Variants in ADAMTS6 observed in about 807,000 individuals in gnomAD.
The protein encoded by ADAMTS6 is A disintegrin and metalloproteinase with thrombospondin motifs 6.
Under a neutral mutation model 144.3 loss-of-function variants are expected in ADAMTS6, and 23 were observed. The observed-to-expected ratio is 0.16, with a 90% CI of 0.11 to 0.23. ADAMTS6 has a LOEUF of 0.23. Among genes scored for constraint, ADAMTS6 ranks in the 10% least tolerant of loss-of-function variants. The pLI is 1.00. For synonymous variants in ADAMTS6, 444 were observed against 457.5 expected (o/e 0.97, Z 0.38); for missense variants, 999 against 1,379.6 (o/e 0.72, Z 4.37).
intron 4 of ADAMTS6, 26 bp downstream of exon 4, chr5:65,460,144 T>C (rs1317989421): frequency 6.2e-7 from 1 of 1,611,784 alleles, no homozygotes; most frequent in Admixed American, 1.7e-5. Flanking sequence ...TACAATACGC[T>C]TTGTAAAAGC....
chr5:65,378,428 CA>C (rs1751747233), intron 7 of ADAMTS6, among the ~76,000 whole-genome samples: 1 of 152,078 alleles, frequency 6.6e-6, no homozygotes, highest in Non-Finnish European at 1.5e-5. Context: ...CATTTGTTCT[CA>C]AAAGTCTCCG....
chr5:65,227,586 T>C (rs764903286), intron 15 of ADAMTS6, among the ~76,000 whole-genome samples: 2 of 152,176 alleles, frequency 1.3e-5, no homozygotes, highest in African/African-American at 2.4e-5. Flanking sequence ...TGGCTACATC[T>C]CAGTGAAGTT....
In ADAMTS6 at chr5:65,260,614, A is replaced by G. The variant is rs1761102798; in HGVS notation, c.1816T>C (p.Ser606Pro). 1 of 1,613,454 alleles carries G rather than the reference A, an allele frequency of 6.2e-7. No individual in the cohort carries two copies. The highest frequency in any genetic ancestry group is 1.3e-5 in the African/African-American group (1 of 74,884). Residue 606 changes from serine to proline, a missense_variant, in exon 14 of 25, where the codon TCC becomes CCC. Transcript: ENST00000381055. Reference protein sequence around the residue: ...YCLGERKRYRSCNTDPCPLGS... With the variant: ...YCLGERKRYRPCNTDPCPLGS... ...GTTTTACTTACATCTGTGTTACAGG[A>G]GCGATACCGTTTCCTTTCCCCAAGG...
At chr5:65,253,267 G>A (rs898667250) in intron 14 of ADAMTS6, among the ~76,000 whole-genome samples, 2 of 152,124 alleles carry the variant, frequency 1.3e-5, no homozygotes, top group African/African-American at 2.4e-5. Context: ...AAGATTCATG[G>A]CAATAAATAA....
intron 14 of ADAMTS6, among the ~76,000 whole-genome samples, chr5:65,257,177 T>C (rs1760755858): frequency 6.6e-6 from 1 of 151,864 alleles, no homozygotes; most frequent in African/African-American, 2.4e-5. Context: ...TATTACCCTA[T>C]ATTTTAAGTT....
chr5:65,399,443 C>T (rs1443623434), intron 7 of ADAMTS6, among the ~76,000 whole-genome samples: 1 of 152,068 alleles, frequency 6.6e-6, no homozygotes, highest in East Asian at 1.9e-4. Flanking sequence ...TTTTGTTTTC[C>T]ACTCTGCCTT....
rs564910710 is a variant in ADAMTS6, at chr5:65,176,119, G to GA, written c.2911-3112dup. 2.0e-3 allele frequency among the ~76,000 whole-genome samples: 281 copies of GA among 138,838 alleles called. 1 individual carries two copies. Among genetic ancestry groups the GA allele is most frequent in the African/African-American group, 7.5e-3 (276 of 36,602 alleles). The allele number at this position is 138,838 out of a possible 152,430, so 91.1% of individuals were successfully genotyped here. A position where few individuals can be genotyped will look rare whatever the true frequency, so the allele number is the denominator to read the frequency against. ...GGTTATCATCTTCGGAAAAAAAAGGGAAAAAAAGGGGGGGGCAGAATTTAT... is the reference window on the plus strand; with the variant it reads ...GGTTATCATCTTCGGAAAAAAAAGGGAAAAAAAAGGGGGGGGCAGAATTTAT... On this transcript the variant is annotated intron_variant, in intron 22 of 24. Transcript: ENST00000381055.
At chr5:65,210,614 A>G in intron 20 of ADAMTS6, 1 of 614,196 alleles carries the variant, frequency 1.6e-6, no homozygotes, top group South Asian at 1.7e-5. Flanking sequence ...ACCCCAAAGG[A>G]AGCTATGGAT....
intron 7 of ADAMTS6, among the ~76,000 whole-genome samples, chr5:65,371,067 T>A (rs1750849096): frequency 6.6e-6 from 1 of 152,080 alleles, no homozygotes; most frequent in African/African-American, 2.4e-5. Context: ...GAGTGTCCTG[T>A]CTGTTAGAAG....
intron 15 of ADAMTS6, among the ~76,000 whole-genome samples, chr5:65,240,106 C>T (rs1580156166): frequency 6.6e-6 from 1 of 152,230 alleles, no homozygotes; most frequent in South Asian, 2.1e-4. Flanking sequence ...ACCCAGGTGT[C>T]CATCACAGCA....
In ADAMTS6 at chr5:65,449,486, C is replaced by G. The variant is rs563455171; in HGVS notation, c.1073+1989G>C. Among the ~76,000 whole-genome samples the G allele has an allele frequency of 2.2e-4, 34 of 152,004 alleles. 1 individual carries two copies. The highest frequency in any genetic ancestry group is 1.5e-3 in the Admixed American group (23 of 15,240). ...AAAAAATCAGCTGGGCATGGTGGCA[C>G]GCACCTGTAATCCCAGCTACTCATG... is the stretch of plus-strand genomic sequence containing the variant. On this transcript the variant is annotated intron_variant, in intron 7 of 24. Coordinates refer to ENST00000381055, the MANE Select transcript of ADAMTS6 (RefSeq NM_197941.4).
chr5:65,259,202 T>C (rs1760948164), intron 14 of ADAMTS6, among the ~76,000 whole-genome samples: 2 of 97,104 alleles, frequency 2.1e-5, no homozygotes, highest in South Asian at 6.0e-4. Flanking sequence ...TACTAAAAAG[T>C]GTATATATAT....
At chr5:65,228,241 AGG>A (rs1757870480) in intron 15 of ADAMTS6, among the ~76,000 whole-genome samples, 1 of 151,952 alleles carries the variant, frequency 6.6e-6, no homozygotes, top group African/African-American at 2.4e-5. Flanking sequence ...TTTGTGCATT[AGG>A]CTTTAAAAAG....
intron 7 of ADAMTS6, among the ~76,000 whole-genome samples, chr5:65,433,360 G>A (rs1250120053): frequency 6.6e-6 from 1 of 152,036 alleles, no homozygotes; most frequent in Non-Finnish European, 1.5e-5. Flanking sequence ...CAAACTCAAA[G>A]AGCTTTGGTG....
At chr5:65,429,472 C>T (rs914909115) in intron 7 of ADAMTS6, among the ~76,000 whole-genome samples, 2 of 151,504 alleles carry the variant, frequency 1.3e-5, no homozygotes, top group Non-Finnish European at 2.9e-5. Context: ...TCTCATGTAC[C>T]CCATAAATAT....
At chr5:65,369,732 A>G (rs952284934) in intron 7 of ADAMTS6, among the ~76,000 whole-genome samples, 13 of 152,184 alleles carry the variant, frequency 8.5e-5, no homozygotes, top group Admixed American at 6.5e-5. Flanking sequence ...ATTAAGTACT[A>G]TACATTGGGT....
chr5:65,276,704 GCCTAACATAGGT>G (rs1762573625), intron 11 of ADAMTS6, among the ~76,000 whole-genome samples: 1 of 152,190 alleles, frequency 6.6e-6, no homozygotes, highest in Non-Finnish European at 1.5e-5. Flanking sequence ...TGAATAAGCA[GCCTAACATAGGT>G]TCCAGGCTCT....
At chr5:65,364,569 T>C (rs904615548) in intron 7 of ADAMTS6, among the ~76,000 whole-genome samples, 23 of 147,278 alleles carry the variant, frequency 1.6e-4, no homozygotes, top group Non-Finnish European at 3.0e-4. Context: ...TCTTTCTTTT[T>C]TTTTTTTTTT....
chr5:65,243,793 A>G (rs188142145), intron 14 of ADAMTS6, among the ~76,000 whole-genome samples: 4 of 152,228 alleles, frequency 2.6e-5, no homozygotes, highest in African/African-American at 9.6e-5. Context: ...GACTACTTTT[A>G]AAAGCAAATA....
Sources: allele counts gnomAD v4.1 joint callset (sites outside exome capture counted in the v4.1 genomes callset), GRCh38; gene constraint gnomAD v4.1.1; transcripts MANE v1.5; gene names NCBI Gene and HGNC (gene_info 2026-07-23, HGNC 2026-07-21).